VPS8: variants seen among roughly 807,000 people sequenced by gnomAD.
VPS8 encodes the protein vacuolar protein sorting-associated protein 8 homolog.
A neutral mutation model predicts 216.4 loss-of-function variants in VPS8; 129 were observed. That is an observed-to-expected ratio of 0.60 (90% CI 0.52 to 0.69). The LOEUF is 0.69. Among genes scored for constraint, VPS8 ranks in the 30% least tolerant of loss-of-function variants. The pLI, the probability that VPS8 is intolerant of heterozygous loss-of-function variation, is 0.00. For missense variants in VPS8, 1,531 were observed against 1,683.5 expected (o/e 0.91, Z 1.59); for synonymous variants, 571 against 565.4 (o/e 1.01, Z -0.14).
intron 16 of VPS8, among the ~76,000 whole-genome samples, chr3:184,864,278 G>A (rs1326948579): frequency 6.6e-6 from 1 of 152,180 alleles, no homozygotes; most frequent in Non-Finnish European, 1.5e-5. Flanking sequence ...GATTGTCCTA[G>A]CTTCCAGCCT....
chr3:184,849,012 C>T, intron 8 of VPS8, 59 bp from the exon 9 acceptor site: 1 of 1,587,602 alleles, frequency 6.3e-7, no homozygotes, highest in Non-Finnish European at 8.6e-7. Context: ...CATGCCTGTA[C>T]TCGATGTATT....
rs187863239 is a variant in VPS8, at chr3:184,899,829, G to A, written c.2095-1092G>A. Reference sequence around the variant, plus strand: ...AGATGATTACTGTATTTCTGTTAACGTTGCTTTTGAAATGTTTGTTTTGCA... The same window carrying A: ...AGATGATTACTGTATTTCTGTTAACATTGCTTTTGAAATGTTTGTTTTGCA... On this transcript the variant is annotated intron_variant, in intron 24 of 47. Transcript: ENST00000625842. Among the ~76,000 whole-genome samples the A allele has an allele frequency of 7.9e-4, 120 of 152,196 alleles. No individual in the cohort carries two copies. In the Middle Eastern group the frequency reaches 0.014, roughly 17 times the overall value.
chr3:184,885,925 G>A (rs1731134984), intron 21 of VPS8, 185 bp from the exon 22 acceptor site: 1 of 535,800 alleles, frequency 1.9e-6, no homozygotes, highest in Non-Finnish European at 3.3e-6. Flanking sequence ...TCCAGAAATA[G>A]AATTACTAGG....
intron 21 of VPS8, among the ~76,000 whole-genome samples, chr3:184,872,003 G>C (rs1253161462): frequency 6.6e-6 from 1 of 152,004 alleles, no homozygotes; most frequent in Non-Finnish European, 1.5e-5. Flanking sequence ...TTTATCAGTA[G>C]AGAAGGAGAA....
chr3:184,838,989 G>A (rs1721620508), intron 6 of VPS8: 2 of 393,744 alleles, frequency 5.1e-6, no homozygotes, highest in African/African-American at 2.1e-5. Context: ...CCTTCTCCAG[G>A]TTTATTTGTT....
In VPS8 at chr3:184,936,336, G is replaced by T; in HGVS notation, c.2988+1G>T. On this transcript the variant is annotated splice_donor_variant, in intron 35 of 47. Coordinates refer to ENST00000625842, the MANE Select transcript of VPS8 (RefSeq NM_001009921.3). LOFTEE classifies it high-confidence loss of function. Reference sequence around the variant, plus strand: ...TGAAACGGTCATTAAAAAACTTCAGGTACATATTGCAAATATATATTGGGG... The same window carrying T: ...TGAAACGGTCATTAAAAAACTTCAGTTACATATTGCAAATATATATTGGGG... 6.2e-7 allele frequency: 1 copy of T among 1,605,490 alleles called. No individual in the cohort carries two copies. Among genetic ancestry groups the T allele is most frequent in the Non-Finnish European group, 8.5e-7 (1 of 1,175,526 alleles).
At chr3:184,969,881 G>C (rs1748109782) in intron 39 of VPS8, among the ~76,000 whole-genome samples, 1 of 147,238 alleles carries the variant, frequency 6.8e-6, no homozygotes, top group Admixed American at 6.8e-5. Context: ...ATAGTCTCAT[G>C]CCTGCCATCT....
intron 45 of VPS8, among the ~76,000 whole-genome samples, chr3:185,009,507 A>G (rs1754709787): frequency 6.6e-6 from 1 of 152,200 alleles, no homozygotes. Flanking sequence ...GCCCTTGTCT[A>G]AGTCACTTTG....
intron 21 of VPS8, among the ~76,000 whole-genome samples, chr3:184,879,574 C>A (rs1729918008): frequency 6.6e-6 from 1 of 152,102 alleles, no homozygotes; most frequent in South Asian, 2.1e-4. Context: ...AGGACTTGTT[C>A]TTTCCCATTC....
intron 29 of VPS8, among the ~76,000 whole-genome samples, chr3:184,921,517 A>G (rs1738606027): frequency 6.6e-6 from 1 of 152,048 alleles, no homozygotes. Context: ...ATGGAGAAAC[A>G]TAGTCTGTAT....
intron 42 of VPS8, among the ~76,000 whole-genome samples, chr3:184,992,196 T>C (rs1751990557): frequency 6.6e-6 from 1 of 152,292 alleles, no homozygotes; most frequent in South Asian, 2.1e-4. Context: ...GAGACAATTC[T>C]TATACAGGTT....
At chr3:185,028,294 C>T (rs970401172) in intron 46 of VPS8, among the ~76,000 whole-genome samples, 1 of 152,142 alleles carries the variant, frequency 6.6e-6, no homozygotes, top group Non-Finnish European at 1.5e-5. Flanking sequence ...GATTAGGGGT[C>T]AGGAAAGGCT....
chr3:184,839,624 A>G, intron 6 of VPS8, 74 bp from the exon 7 acceptor site: 4 of 1,460,802 alleles, frequency 2.7e-6, no homozygotes, highest in South Asian at 1.3e-5. Flanking sequence ...AAGGCAGGCC[A>G]ACAAATTCAA....
At chr3:184,896,771 A>G (rs1733564170) in intron 23 of VPS8, among the ~76,000 whole-genome samples, 1 of 152,242 alleles carries the variant, frequency 6.6e-6, no homozygotes, top group South Asian at 2.1e-4. Flanking sequence ...GAACAGATTA[A>G]TGTACAAAAA....
chr3:184,880,759 C>G (rs1244455549), intron 21 of VPS8, among the ~76,000 whole-genome samples: 1 of 152,154 alleles, frequency 6.6e-6, no homozygotes, highest in East Asian at 1.9e-4. Flanking sequence ...TCCAGAATGC[C>G]AGTACCATTT....
At chr3:185,039,484 T>C (rs954617886) in intron 46 of VPS8, among the ~76,000 whole-genome samples, 1 of 151,782 alleles carries the variant, frequency 6.6e-6, no homozygotes, top group African/African-American at 2.4e-5. Flanking sequence ...AAAAGGGGCA[T>C]TGCTAGCCTG....
At chr3:185,006,468 A>T (rs1301708898) in intron 45 of VPS8, among the ~76,000 whole-genome samples, 1 of 152,188 alleles carries the variant, frequency 6.6e-6, no homozygotes, top group East Asian at 1.9e-4. Flanking sequence ...GGCTTTATTG[A>T]AACCTGGTAA....
chr3:185,050,166 T>C (rs1713884681), intron 47 of VPS8, among the ~76,000 whole-genome samples: 1 of 150,474 alleles, frequency 6.6e-6, no homozygotes. Flanking sequence ...CACCTCACAG[T>C]GTCAGGATGT....
intron 44 of VPS8, among the ~76,000 whole-genome samples, chr3:184,998,083 A>C (rs1752855192): frequency 6.6e-6 from 1 of 152,212 alleles, no homozygotes; most frequent in Non-Finnish European, 1.5e-5. Context: ...GGAAGGGGAC[A>C]GTGAAAGAGA....
Sources: allele counts gnomAD v4.1 joint callset (sites outside exome capture counted in the v4.1 genomes callset), GRCh38; gene constraint gnomAD v4.1.1; transcripts MANE v1.5; gene names NCBI Gene and HGNC (gene_info 2026-07-23, HGNC 2026-07-21).